CASK: variants seen among roughly 807,000 people sequenced by gnomAD.
CASK encodes calcium/calmodulin dependent serine protein kinase.
Under a neutral mutation model 82.9 loss-of-function variants are expected in CASK, and 4 were observed. The observed-to-expected ratio is 0.05, with a 90% CI of 0.02 to 0.11. The LOEUF is 0.11. Among genes scored for constraint, CASK ranks in the 10% least tolerant of loss-of-function variants. CASK has a pLI of 1.00. For missense variants in CASK, 358 were observed against 720.9 expected (o/e 0.50, Z 5.76); for synonymous variants, 259 against 253.5 (o/e 1.02, Z -0.20).
intron 3 of CASK, among the ~76,000 whole-genome samples, chrX:41,775,489 G>C (rs2069342332): frequency 9.6e-6 from 1 of 104,341 alleles, no homozygotes; most frequent in African/African-American, 3.4e-5. Context: ...ATTCCTCAGG[G>C]ATCTAGAACT....
intron 1 of CASK, among the ~76,000 whole-genome samples, chrX:41,905,388 C>T (rs1475826954): frequency 1.8e-5 from 2 of 112,112 alleles, no homozygotes. Context: ...CACATCCCTG[C>T]CAACCCTTGT....
intron 11 of CASK, among the ~76,000 whole-genome samples, chrX:41,618,158 A>G (rs911838889): frequency 2.7e-5 from 3 of 112,653 alleles, no homozygotes; most frequent in Non-Finnish European, 5.6e-5. Context: ...CACAGAAAAC[A>G]ATTTCTTTTA....
At chrX:41,612,930 G>A (rs1034037345) in intron 11 of CASK, among the ~76,000 whole-genome samples, 2 of 102,691 alleles carry the variant, frequency 1.9e-5, no homozygotes, top group African/African-American at 7.1e-5. Flanking sequence ...GGAGGTGAGG[G>A]GCGCCTCTGC....
At chrX:41,625,314 T>C (rs1456708140) in intron 10 of CASK, among the ~76,000 whole-genome samples, 2 of 106,975 alleles carry the variant, frequency 1.9e-5, no homozygotes, top group Non-Finnish European at 3.8e-5. Flanking sequence ...GCCACCCGAG[T>C]AGCTGGGACT....
intron 25 of CASK, among the ~76,000 whole-genome samples, chrX:41,530,776 C>G (rs1008774647): frequency 1.1e-4 from 12 of 112,444 alleles, no homozygotes; most frequent in African/African-American, 1.9e-4. Flanking sequence ...TAATAAACCT[C>G]TTAAGAGAAT....
intron 5 of CASK, chrX:41,727,469 A>T: frequency 8.3e-7 from 1 of 1,209,919 alleles, no homozygotes; most frequent in Non-Finnish European, 1.1e-6. Context: ...AAATTTCGCC[A>T]GCCCAACTTT....
chrX:41,528,726 GAA>G (rs1332538514), intron 25 of CASK, among the ~76,000 whole-genome samples: 1 of 111,922 alleles, frequency 8.9e-6, no homozygotes, highest in African/African-American at 3.3e-5. Context: ...GCTGGAGTGG[GAA>G]AGGGGGATGG....
intron 1 of CASK, among the ~76,000 whole-genome samples, chrX:41,854,211 CGCGCGG>C (rs1215329476): frequency 1.1e-3 from 98 of 88,807 alleles, no homozygotes; most frequent in African/African-American, 3.6e-3. Context: ...CATGCGCGCG[CGCGCGG>C]GCGCGCGCAC....
At chrX:41,561,358 A>C (rs772351374) in intron 17 of CASK, among the ~76,000 whole-genome samples, 10 of 111,569 alleles carry the variant, frequency 9.0e-5, no homozygotes, top group Non-Finnish European at 1.9e-4. Context: ...TGCTAAAGAC[A>C]GGCAAAATGT....
At chrX:41,795,973 C>A (rs746635585) in intron 2 of CASK, among the ~76,000 whole-genome samples, 2 of 111,458 alleles carry the variant, frequency 1.8e-5, no homozygotes, top group Non-Finnish European at 3.8e-5. Flanking sequence ...CCAACCTGTC[C>A]TGGTTTGCCT....
chrX:41,888,096 G>A (rs925686460), intron 1 of CASK, among the ~76,000 whole-genome samples: 1 of 111,330 alleles, frequency 9.0e-6, no homozygotes, highest in African/African-American at 3.3e-5. Context: ...GAAGTTTTAG[G>A]CTACATAGCA....
At chrX:41,885,713 C>T (rs1437148580) in intron 1 of CASK, among the ~76,000 whole-genome samples, 2 of 111,675 alleles carry the variant, frequency 1.8e-5, no homozygotes, top group East Asian at 2.8e-4. Flanking sequence ...TGTAGTGGTA[C>T]GAGAACTCTA....
chrX:41,773,703 G>C (rs1602601573), intron 3 of CASK, among the ~76,000 whole-genome samples: 1 of 111,795 alleles, frequency 8.9e-6, no homozygotes, highest in East Asian at 2.8e-4. Context: ...AACCTACATA[G>C]CATGTGACTA....
chrX:41,856,795 CAA>C (rs575324555), intron 1 of CASK, among the ~76,000 whole-genome samples: 3 of 42,120 alleles, frequency 7.1e-5, no homozygotes, highest in African/African-American at 9.9e-5. Context: ...GACTCCGTCT[CAA>C]AAAAAAAAAA....
At chrX:41,707,385 G>C (rs1303307814) in intron 5 of CASK, among the ~76,000 whole-genome samples, 1 of 111,831 alleles carries the variant, frequency 8.9e-6, no homozygotes, top group Non-Finnish European at 1.9e-5. Flanking sequence ...TGTTGAACCA[G>C]CTAGCCTCAG....
chrX:41,888,938 T>C (rs1045760584), intron 1 of CASK, among the ~76,000 whole-genome samples: 4 of 109,519 alleles, frequency 3.7e-5, no homozygotes, highest in Non-Finnish European at 7.6e-5. Flanking sequence ...AATTGCAAAT[T>C]GTGCTGCTAT....
chrX:41,781,354 G>C (rs1323792852), intron 3 of CASK, among the ~76,000 whole-genome samples: 2 of 112,649 alleles, frequency 1.8e-5, no homozygotes, highest in Non-Finnish European at 3.7e-5. Flanking sequence ...CTGTGGCAAA[G>C]ACAGATATGG....
chrX:41,610,556 C>T (rs1569338011), intron 11 of CASK, among the ~76,000 whole-genome samples: 1 of 109,977 alleles, frequency 9.1e-6, no homozygotes, highest in Admixed American at 9.7e-5. Context: ...CAGTCCACTC[C>T]TTTTTTTTTC....
At chrX:41,678,951 G>A (rs781736809) in intron 5 of CASK, among the ~76,000 whole-genome samples, 4 of 107,702 alleles carry the variant, frequency 3.7e-5, no homozygotes, top group Admixed American at 2.0e-4. Flanking sequence ...TTTTGGTGGC[G>A]TGCACCTGTG....
Sources: allele counts gnomAD v4.1 joint callset (sites outside exome capture counted in the v4.1 genomes callset), GRCh38; gene constraint gnomAD v4.1.1; transcripts MANE v1.5; gene names NCBI Gene and HGNC (gene_info 2026-07-23, HGNC 2026-07-21).